The following PLCE1 variants were observed in gnomAD, a reference collection of about 807,000 sequenced individuals.
PLCE1 encodes 1-phosphatidylinositol 4,5-bisphosphate phosphodiesterase epsilon-1.
A neutral mutation model predicts 242.8 loss-of-function variants in PLCE1; 119 were observed. The observed-to-expected ratio is 0.49, with a 90% CI of 0.42 to 0.57. The LOEUF (loss-of-function observed/expected upper bound fraction) is 0.57. Ranked by LOEUF, PLCE1 falls within the 20% of genes least tolerant of loss-of-function variation. PLCE1 has a pLI of 0.00. For missense variants in PLCE1, 2,441 were observed against 2,788.8 expected, an observed-to-expected ratio of 0.88 and a Z score of 2.81; for synonymous variants, 945 against 1,017.4, an observed-to-expected ratio of 0.93 and a Z score of 1.35.
At chr10:94,202,862 C>T (rs2136797340) in intron 4 of PLCE1, among the ~76,000 whole-genome samples, 1 of 152,296 alleles carries the variant, frequency 6.6e-6, no homozygotes, top group East Asian at 1.9e-4. Context: ...GTACCAGTAC[C>T]TGTTCAGTGC....
chr10:94,317,480 T>G (rs923122789), intron 29 of PLCE1, among the ~76,000 whole-genome samples: 2 of 152,212 alleles, frequency 1.3e-5, no homozygotes, highest in African/African-American at 4.8e-5. Flanking sequence ...GATGACTGAC[T>G]TCCAGTTTTA....
chr10:94,071,195 G>A (rs75835177), intron 2 of PLCE1, among the ~76,000 whole-genome samples: 1,721 of 152,108 alleles, frequency 0.011, 36 homozygotes, highest in African/African-American at 0.038. Context: ...ACCCATGCAC[G>A]GACCAGAAGG....
chr10:94,089,581 C>A (rs2135347331), intron 2 of PLCE1, among the ~76,000 whole-genome samples: 1 of 152,154 alleles, frequency 6.6e-6, no homozygotes, highest in African/African-American at 2.4e-5. Flanking sequence ...TATAGAGATA[C>A]AAATTATTTT....
At chr10:94,211,544 T>C (rs1277598266) in intron 4 of PLCE1, among the ~76,000 whole-genome samples, 1 of 152,272 alleles carries the variant, frequency 6.6e-6, no homozygotes, top group Non-Finnish European at 1.5e-5. Flanking sequence ...TTATTCGTTG[T>C]TACATTATGT....
chr10:94,072,688 C>G (rs2044395217), intron 2 of PLCE1, among the ~76,000 whole-genome samples: 1 of 152,094 alleles, frequency 6.6e-6, no homozygotes, highest in Non-Finnish European at 1.5e-5. Flanking sequence ...ACAAATAGAC[C>G]AGTTTATTTT....
intron 32 of PLCE1, among the ~76,000 whole-genome samples, chr10:94,327,172 T>C (rs1564902560): frequency 6.6e-6 from 1 of 152,108 alleles, no homozygotes; most frequent in African/African-American, 2.4e-5. Flanking sequence ...AAACAAAAGC[T>C]AGGGAGGCTT....
Position 94,135,411 on chromosome 10 carries a change from T to C in PLCE1, c.1492+2952T>C, listed in dbSNP as rs186139049. Among the ~76,000 whole-genome samples, 135 of 152,292 alleles carry C rather than the reference T, an allele frequency of 8.9e-4. 1 individual carries two copies. Among genetic ancestry groups the C allele is most frequent in the Non-Finnish European group, 1.7e-3 (114 of 68,018 alleles). On this transcript the variant is annotated intron_variant, in intron 3 of 32. Coordinates refer to ENST00000371380, the MANE Select transcript of PLCE1 (RefSeq NM_016341.4). ...TCAGGAGTACATGCAGCTGCTGTGA[T>C]GTGGTTGTGAGCTTTTTTTTCTTCT...
rs2274222 is a variant in PLCE1 at position 94,254,414 on chromosome 10, C to T, written c.3397+107C>T. On this transcript the variant is annotated intron_variant, in intron 10 of 32. Transcript: ENST00000371380. ...ATTTAAGCATTGCAAACATTTCTAA[C>T]AAAACTCTTTGTCCTAACCAGACAA... The T allele has an allele frequency of 0.032, 25,713 of 801,662 alleles. 715 individuals are homozygous for T. The highest frequency in any genetic ancestry group is 0.11 in the African/African-American group (6,528 of 59,058). 49.7% of individuals were successfully genotyped at this position (801,662 alleles called of 1,614,324 possible).
chr10:94,165,060 C>G (rs2047748453), intron 3 of PLCE1, among the ~76,000 whole-genome samples: 1 of 152,214 alleles, frequency 6.6e-6, no homozygotes, highest in Admixed American at 6.5e-5. Context: ...GGGGATGCCT[C>G]CCAGTTAGGC....
At chr10:94,097,374 A>G (rs1313313471) in intron 2 of PLCE1, among the ~76,000 whole-genome samples, 3 of 152,088 alleles carry the variant, frequency 2.0e-5, no homozygotes, top group Non-Finnish European at 4.4e-5. Context: ...ATCAAGGGGG[A>G]AAAAATGATT....
chr10:94,170,963 C>T (rs2136316142), intron 3 of PLCE1, among the ~76,000 whole-genome samples: 1 of 152,180 alleles, frequency 6.6e-6, no homozygotes, highest in East Asian at 1.9e-4. Flanking sequence ...CTACCACCAC[C>T]ACCACCGCCA....
rs541520917 is a variant in PLCE1 at position 94,195,310 on chromosome 10, A to G, written c.1809+23814A>G. Among the ~76,000 whole-genome samples, 3 of 152,216 alleles carry G rather than the reference A, an allele frequency of 2.0e-5. No homozygotes were observed. In the South Asian group the frequency reaches 6.2e-4, roughly 32 times the overall value. On this transcript the variant is annotated intron_variant, in intron 4 of 32. Transcript: ENST00000371380. ...GTCACTGCCTTAGAGAGAAAGGGCA[A>G]TGGGCTGGTCCGGATTTCTAATAGG...
intron 5 of PLCE1, among the ~76,000 whole-genome samples, chr10:94,229,289 A>T (rs573191645): frequency 2.2e-4 from 34 of 152,214 alleles, no homozygotes; most frequent in African/African-American, 7.7e-4. Context: ...TATTTTAATG[A>T]TGCTTATCAT....
intron 1 of PLCE1, among the ~76,000 whole-genome samples, chr10:94,025,779 C>G (rs1031399005): frequency 3.9e-5 from 6 of 152,154 alleles, no homozygotes; most frequent in African/African-American, 1.2e-4. Flanking sequence ...ATTTCCTCAT[C>G]TCAATTCTTC....
rs549281685 is a variant in PLCE1 at position 94,162,432 on chromosome 10, G to A, written c.1493-8748G>A. Among the ~76,000 whole-genome samples the A allele has an allele frequency of 1.5e-4, 23 of 152,294 alleles. 1 individual carries two copies. Among genetic ancestry groups the A allele is most frequent in the South Asian group, 4.1e-4 (2 of 4,824 alleles). On this transcript the variant is annotated intron_variant, in intron 3 of 32. Coordinates refer to ENST00000371380, the MANE Select transcript of PLCE1 (RefSeq NM_016341.4). Reference sequence around the variant, plus strand: ...TTATCCATTTCTTCTAGATTTTCTAGTTTATTTGCATAGAGGTGTTTATAG... The same window carrying A: ...TTATCCATTTCTTCTAGATTTTCTAATTTATTTGCATAGAGGTGTTTATAG...
At position 94,234,138 on chromosome 10, in the gene PLCE1, G is replaced by A; in HGVS notation, c.2040G>A (p.Gln680=). ...TMRSLKDAMA[Q]HESSCEYRKV... ...GGAGCCTGAAGGATGCTATGGCCCAGCATGAGTCCTCTTGTGAGTACAGAA... is the reference window on the plus strand; with the variant it reads ...GGAGCCTGAAGGATGCTATGGCCCAACATGAGTCCTCTTGTGAGTACAGAA... The change falls in exon 6 of 33, where the codon CAG becomes CAA. Residue 680 remains glutamine, a synonymous_variant. Transcript: ENST00000371380. 1 of 1,614,024 alleles carries A rather than the reference G, an allele frequency of 6.2e-7. No homozygotes were observed. The highest frequency in any genetic ancestry group is 1.3e-5 in the African/African-American group (1 of 75,048).
intron 24 of PLCE1, among the ~76,000 whole-genome samples, chr10:94,302,546 ATTGAGCACC>A (rs2053074513): frequency 6.6e-6 from 1 of 152,146 alleles, no homozygotes. Context: ...GTTACCATTT[ATTGAGCACC>A]TTGCATGTGC....
intron 29 of PLCE1, among the ~76,000 whole-genome samples, chr10:94,318,179 C>T (rs2053642283): frequency 6.6e-6 from 1 of 152,126 alleles, no homozygotes; most frequent in South Asian, 2.1e-4. Context: ...GTAATTGTCT[C>T]CCCAGCCTTC....
intron 2 of PLCE1, chr10:94,088,324 T>G (rs921797242): frequency 3.3e-5 from 5 of 152,264 alleles, no homozygotes; most frequent in African/African-American, 1.2e-4. Context: ...AACCAAATAT[T>G]CTGCCTCTGG....
Sources: allele counts gnomAD v4.1 joint callset (sites outside exome capture counted in the v4.1 genomes callset), GRCh38; gene constraint gnomAD v4.1.1; transcripts MANE v1.5; gene names NCBI Gene and HGNC (gene_info 2026-07-23, HGNC 2026-07-21).